The following JAZF1 variants were observed in gnomAD, a reference collection of about 807,000 sequenced individuals.
JAZF1 encodes JAZF zinc finger 1.
In JAZF1, 8 loss-of-function variants were observed where a neutral mutation model predicts 26.4. The observed-to-expected ratio is 0.30, with a 90% CI of 0.18 to 0.55. The LOEUF (loss-of-function observed/expected upper bound fraction) is 0.55, where lower values mean the gene tolerates loss of function less well. Among genes scored for constraint, JAZF1 ranks in the 20% least tolerant of loss-of-function variants. The probability of loss-of-function intolerance (pLI) is 0.94; values close to 1 mark genes in which losing one functional copy is unlikely to be tolerated. For synonymous variants in JAZF1, 126 were observed against 122.3 expected (o/e 1.03, Z -0.20); for missense variants, 199 against 322.0 (o/e 0.62, Z 2.92).
At chr7:27,923,069 C>T (rs943169387) in intron 2 of JAZF1, among the ~76,000 whole-genome samples, 10 of 152,196 alleles carry the variant, frequency 6.6e-5, no homozygotes, top group African/African-American at 2.2e-4. Context: ...TGGTTGTTGG[C>T]GGCAGTCTCC....
intron 2 of JAZF1, among the ~76,000 whole-genome samples, chr7:27,980,816 T>C (rs1458585557): frequency 6.6e-6 from 1 of 151,644 alleles, no homozygotes; most frequent in East Asian, 1.9e-4. Flanking sequence ...TAACCCTTAT[T>C]ACTATCATCT....
chr7:27,854,838 C>G (rs1783214123), intron 3 of JAZF1, among the ~76,000 whole-genome samples: 2 of 152,160 alleles, frequency 1.3e-5, no homozygotes, highest in South Asian at 4.1e-4. Flanking sequence ...AATTATGTGT[C>G]TTGGGGTTGC....
At chr7:28,127,228 T>C (rs1335445592) in intron 1 of JAZF1, among the ~76,000 whole-genome samples, 17 of 152,230 alleles carry the variant, frequency 1.1e-4, no homozygotes, top group Non-Finnish European at 2.5e-4. Flanking sequence ...ACTCTAGCCT[T>C]AGAAGTCATG....
chr7:27,982,637 T>C (rs1049552516), intron 2 of JAZF1, among the ~76,000 whole-genome samples: 3 of 152,160 alleles, frequency 2.0e-5, no homozygotes. Flanking sequence ...AATCTGAGAA[T>C]GGACAGACTC....
At chr7:28,035,313 C>CA (rs201602870) in intron 1 of JAZF1, among the ~76,000 whole-genome samples, 661 of 27,410 alleles carry the variant, frequency 0.024, 108 homozygotes, top group African/African-American at 0.064. Flanking sequence ...GACTCCATCT[C>CA]AAAAAAAAAA....
intron 1 of JAZF1, among the ~76,000 whole-genome samples, chr7:28,023,267 TCCAATATA>T (rs1216079321): frequency 6.6e-6 from 1 of 152,186 alleles, no homozygotes; most frequent in African/African-American, 2.4e-5. Context: ...CCTCCCTTTC[TCCAATATA>T]CCGAAGGACA....
At position 27,831,677 on chromosome 7, in the gene JAZF1, A is replaced by C. The variant is rs1782704333; in HGVS notation, c.*1123T>G. On this transcript the variant is annotated 3_prime_UTR_variant, in exon 5 of 5. Transcript: ENST00000283928. ...TTCCAATGAGAATGCAGACCTCTCT[A>C]CAATGTGATGAGAAAAGTACCTTTT... 1 of 225,454 alleles carries C rather than the reference A, an allele frequency of 4.4e-6. No homozygotes were observed. The highest frequency in any genetic ancestry group is 2.2e-5 in the African/African-American group (1 of 44,928). The allele number at this position is 225,454 out of a possible 1,614,324, so 14.0% of individuals were successfully genotyped here.
At chr7:27,839,518 C>T (rs1782881530) in intron 4 of JAZF1, among the ~76,000 whole-genome samples, 1 of 149,860 alleles carries the variant, frequency 6.7e-6, no homozygotes, top group African/African-American at 2.4e-5. Context: ...AACTCCACGC[C>T]TCTGACACAG....
chr7:27,940,876 T>C (rs1280876195), intron 2 of JAZF1, among the ~76,000 whole-genome samples: 2 of 152,240 alleles, frequency 1.3e-5, no homozygotes, highest in Non-Finnish European at 2.9e-5. Context: ...TCCCTATCTT[T>C]AGTATACTGT....
intron 3 of JAZF1, among the ~76,000 whole-genome samples, chr7:27,876,212 G>A (rs896198308): frequency 6.6e-6 from 1 of 152,226 alleles, no homozygotes. Context: ...TGGCCAAGGT[G>A]GGGTGGAAGG....
chr7:28,102,598 G>GA (rs60642981), intron 1 of JAZF1, among the ~76,000 whole-genome samples: 136,213 of 151,782 alleles, frequency 0.9, 61,339 homozygotes, highest in East Asian at 0.99. Flanking sequence ...TTCATTTTTT[G>GA]AAAAAAAATG....
chr7:27,948,111 C>T (rs1784946781), intron 2 of JAZF1, among the ~76,000 whole-genome samples: 1 of 151,986 alleles, frequency 6.6e-6, no homozygotes. Context: ...TGGTGATATT[C>T]GGGTCACTGA....
intron 1 of JAZF1, among the ~76,000 whole-genome samples, chr7:28,124,234 C>T (rs887345647): frequency 6.6e-6 from 1 of 152,150 alleles, no homozygotes; most frequent in African/African-American, 2.4e-5. Context: ...AGGAAAGACC[C>T]CGTGAGGACA....
chr7:27,860,823 C>G (rs1256195272), intron 3 of JAZF1, among the ~76,000 whole-genome samples: 1 of 152,080 alleles, frequency 6.6e-6, no homozygotes, highest in East Asian at 1.9e-4. Flanking sequence ...GTTTAAGCCC[C>G]CAGGTATTCT....
chr7:28,138,972 C>G (rs112564657), intron 1 of JAZF1, among the ~76,000 whole-genome samples: 5 of 151,016 alleles, frequency 3.3e-5, no homozygotes, highest in Non-Finnish European at 5.9e-5. Flanking sequence ...ACTTGGTGAA[C>G]TGGCTAATTA....
chr7:27,992,210 C>T, intron 1 of JAZF1: 1 of 601,898 alleles, frequency 1.7e-6, no homozygotes. Flanking sequence ...ATAAAATGTC[C>T]ATCTGTCACA....
intron 1 of JAZF1, among the ~76,000 whole-genome samples, chr7:28,060,794 G>A (rs1262341280): frequency 1.3e-5 from 2 of 152,118 alleles, no homozygotes; most frequent in Non-Finnish European, 2.9e-5. Context: ...TTCCTTCTGT[G>A]GCTCTGGAGG....
At chr7:28,154,130 AC>A (rs978407887) in intron 1 of JAZF1, among the ~76,000 whole-genome samples, 3 of 152,012 alleles carry the variant, frequency 2.0e-5, no homozygotes, top group African/African-American at 7.3e-5. Context: ...TCCTTGACTG[AC>A]CCCCTCCCAT....
chr7:28,136,224 T>A (rs1782884343), intron 1 of JAZF1, among the ~76,000 whole-genome samples: 1 of 152,186 alleles, frequency 6.6e-6, no homozygotes, highest in Non-Finnish European at 1.5e-5. Context: ...ATTCTCCCTA[T>A]TTTACAGGTG....
Sources: allele counts gnomAD v4.1 joint callset (sites outside exome capture counted in the v4.1 genomes callset), GRCh38; gene constraint gnomAD v4.1.1; transcripts MANE v1.5; gene names NCBI Gene and HGNC (gene_info 2026-07-23, HGNC 2026-07-21).